IRS2: variants seen among roughly 807,000 people sequenced by gnomAD.
The protein encoded by IRS2 is insulin receptor substrate 2.
IRS2 carries 28 observed loss-of-function variants against 70.9 expected under a neutral mutation model. The ratio of observed to expected loss-of-function variants is 0.39; its 90% CI spans 0.29 to 0.54. IRS2 has a LOEUF of 0.54. IRS2 is among the 20% of genes least tolerant of loss of function. IRS2 has a pLI of 0.59. For missense variants in IRS2, 2,081 were observed against 2,024.1 expected, an observed-to-expected ratio of 1.03 and a Z score of -0.54; for synonymous variants, 1,217 against 981.9, an observed-to-expected ratio of 1.24 and a Z score of -4.48.
chr13:109,776,004 C>T (rs1209805664), intron 1 of IRS2, among the ~76,000 whole-genome samples: 1 of 152,004 alleles, frequency 6.6e-6, no homozygotes, highest in African/African-American at 2.4e-5. Flanking sequence ...AAAAAATTAG[C>T]AGGGCATGGT....
chr13:109,783,650 A>G lies in IRS2; in HGVS notation c.2404T>C (p.Cys802Arg). The G allele has an allele frequency of 6.4e-7, 1 of 1,554,258 alleles. No individual in the cohort carries two copies. Among genetic ancestry groups the G allele is most frequent in the African/African-American group, 1.4e-5 (1 of 73,564 alleles). ...GEPLRGVPGC[C>R]YSSLPRSYKA... ...TAGGAGCGGGGCAAGGAGCTGTAGCAGCAGCCGGGAACGCCCCTGAGCGGC... is the reference window on the plus strand; with the variant it reads ...TAGGAGCGGGGCAAGGAGCTGTAGCGGCAGCCGGGAACGCCCCTGAGCGGC... The change falls in exon 1 of 2, where the codon TGC (cysteine) becomes CGC (arginine). Residue 802 changes from cysteine to arginine, a missense_variant. Physicochemically the swap from Cys to Arg is radical, Grantham distance 180. Coordinates refer to ENST00000375856, the MANE Select transcript of IRS2 (RefSeq NM_003749.3).
chr13:109,758,302 G>A (rs1877150976), intron 1 of IRS2, among the ~76,000 whole-genome samples: 1 of 152,160 alleles, frequency 6.6e-6, no homozygotes, highest in Non-Finnish European at 1.5e-5. Context: ...CTGAGACTCT[G>A]CAAATCCATT....
At chr13:109,761,870 T>G (rs1231162194) in intron 1 of IRS2, among the ~76,000 whole-genome samples, 1 of 152,172 alleles carries the variant, frequency 6.6e-6, no homozygotes, top group African/African-American at 2.4e-5. Context: ...GAATATCAAG[T>G]TGCAACTTGA....
intron 1 of IRS2, among the ~76,000 whole-genome samples, chr13:109,777,313 A>C (rs75564449): frequency 0.015 from 2,240 of 152,282 alleles, 68 homozygotes; most frequent in African/African-American, 0.051. Context: ...CTGATACCAA[A>C]ATTAGCTCTT....
intron 1 of IRS2, among the ~76,000 whole-genome samples, chr13:109,757,184 G>C (rs1364067796): frequency 2.0e-5 from 3 of 152,144 alleles, no homozygotes; most frequent in African/African-American, 4.8e-5. Flanking sequence ...CAAATTGGAA[G>C]ATTTTGACCT....
rs1168752897 is a variant in IRS2 at position 109,784,653 on chromosome 13, C to A, written c.1401G>T (p.Pro467=). The change falls in exon 1 of 2, where the codon CCG becomes CCT. Residue 467 remains proline (P), a synonymous_variant. Transcript: ENST00000375856. The surrounding 1 kb of genome is among the most constrained non-coding windows in gnomAD (Gnocchi z 5.2). ...GSYPPPPGPH[P]PLPHPLHHGP... ...CGTGGTGCAGCGGATGCGGCAGAGG[C>A]GGGTGCGGGCCGGGCGGCGGCGGGT... is the stretch of plus-strand genomic sequence containing the variant. 8.0e-7 allele frequency: 1 copy of A among 1,254,082 alleles called. No homozygotes were observed. Among genetic ancestry groups the A allele is most frequent in the Non-Finnish European group, 1.0e-6 (1 of 1,002,294 alleles). 77.7% of individuals were successfully genotyped at this position (1,254,082 alleles called of 1,614,324 possible). A position where few individuals can be genotyped will look rare whatever the true frequency, so the allele number is the denominator to read the frequency against.
Position 109,756,103 on chromosome 13 carries a change from A to G in IRS2, c.*201T>C. The G allele has an allele frequency of 1.8e-6, 1 of 571,164 alleles. No individual in the cohort carries two copies. Among genetic ancestry groups the G allele is most frequent in the Non-Finnish European group, 3.2e-6 (1 of 317,262 alleles). The allele number at this position is 571,164 out of a possible 1,614,324, so 35.4% of individuals were successfully genotyped here. A position where few individuals can be genotyped will look rare whatever the true frequency, so the allele number is the denominator to read the frequency against. On this transcript the variant is annotated 3_prime_UTR_variant, in exon 2 of 2. Coordinates refer to ENST00000375856, the MANE Select transcript of IRS2 (RefSeq NM_003749.3). The stretch of plus-strand genomic sequence containing the variant: ...CAAACAGCACAATGATGAATGCCCC[A>G]TCCGGGAACAAGGGAAAGAGGCAGG...
rs1040946113 is a variant in IRS2, at chr13:109,782,649, G to T, written c.3405C>A (p.Val1135=). ...QPPDPHRGAK[V]IRADPQGGRR... ...GGCCCCCCTGCGGGTCTGCGCGGAT[G>T]ACCTTGGCGCCGCGGTGGGGGTCCG... Residue 1135 remains valine (V), a synonymous_variant, in exon 1 of 2, where the codon GTC becomes GTA. Coordinates refer to ENST00000375856, the MANE Select transcript of IRS2 (RefSeq NM_003749.3). The T allele has an allele frequency of 1.3e-6, 2 of 1,571,352 alleles. No individual in the cohort carries two copies. The highest frequency in any genetic ancestry group is 8.6e-7 in the Non-Finnish European group (1 of 1,160,454).
In IRS2 at chr13:109,784,077, G is replaced by T; in HGVS notation, c.1977C>A (p.Gly659=). Residue 659 remains glycine (G), a synonymous_variant, in exon 1 of 2, where the codon GGC becomes GGA. Coordinates refer to ENST00000375856, the MANE Select transcript of IRS2 (RefSeq NM_003749.3). This position sits in a 1 kb window ranked among gnomAD's most constrained non-coding sequence, Gnocchi z 5.2. ...CGCTCCCACTGCCCGCGAGGGCCGC[G>T]CCGGGCGTCATGGGCATGTAGCCGT... ...ADDGYMPMTP[G]AALAGSGSGS... 1.3e-6 allele frequency: 2 copies of T among 1,577,586 alleles called. No homozygotes were observed.
chr13:109,756,221 T>C lies in IRS2; in HGVS notation c.*83A>G. 1 of 1,213,218 alleles carries C rather than the reference T, an allele frequency of 8.2e-7. No homozygotes were observed. 75.2% of individuals were successfully genotyped at this position (1,213,218 alleles called of 1,614,324 possible). On this transcript the variant is annotated 3_prime_UTR_variant, in exon 2 of 2. Transcript: ENST00000375856. ...GATCCAAAAGAAAACTGCAAGCAGC[T>C]TCGGGCTGAAACAGTGCTGAGCGTC...
chr13:109,776,689 G>A (rs371235249), intron 1 of IRS2, among the ~76,000 whole-genome samples: 9 of 152,318 alleles, frequency 5.9e-5, no homozygotes, highest in African/African-American at 1.7e-4. Context: ...GTAAGTCTCT[G>A]TAGCTATCTT....
chr13:109,783,375 C>T lies in IRS2; in HGVS notation c.2679G>A (p.Leu893=), dbSNP rs1363092257. The T allele has an allele frequency of 2.6e-6, 4 of 1,528,082 alleles. No individual in the cohort carries two copies. The highest frequency in any genetic ancestry group is 2.6e-6 in the Non-Finnish European group (3 of 1,147,650). 94.7% of individuals were successfully genotyped at this position (1,528,082 alleles called of 1,614,324 possible). Residue 893 remains leucine (L), a synonymous_variant, in exon 1 of 2, where the codon CTG becomes CTA. Transcript: ENST00000375856. ...GCAGGCTGGGCAGCCCCTCCAGGGA[C>T]AGGCGCGTGGGCCTCACCGCCCGGC... ...QRGRAVRPTR[L]SLEGLPSLPS... is the part of the protein sequence containing the mutation.
At position 109,755,764 on chromosome 13, in the gene IRS2, C is replaced by T. The variant is rs1235518137; in HGVS notation, c.*540G>A. ...ACCATTTCAATAAGGCCGAGGACCG[C>T]GCTCCAGACACACAGCGCAGGGGCT... is the stretch of plus-strand genomic sequence containing the variant. On this transcript the variant is annotated 3_prime_UTR_variant, in exon 2 of 2. Transcript: ENST00000375856. The T allele has an allele frequency of 2.4e-5, 5 of 208,972 alleles. No homozygotes were observed. Among genetic ancestry groups the T allele is most frequent in the Non-Finnish European group, 4.9e-5 (5 of 102,300 alleles). The allele number at this position is 208,972 out of a possible 1,614,324, so 12.9% of individuals were successfully genotyped here.
At chr13:109,756,693 T>A (rs1457854333) in intron 1 of IRS2, among the ~76,000 whole-genome samples, 2 of 152,228 alleles carry the variant, frequency 1.3e-5, no homozygotes, top group African/African-American at 4.8e-5. Flanking sequence ...GCCTTGATGC[T>A]TCCTGTGTTG....
At chr13:109,772,256 A>G (rs1877468338) in intron 1 of IRS2, among the ~76,000 whole-genome samples, 1 of 152,140 alleles carries the variant, frequency 6.6e-6, no homozygotes, top group African/African-American at 2.4e-5. Context: ...CGGTGCAGGT[A>G]GGTGCACGCT....
chr13:109,770,323 C>G (rs1013111363), intron 1 of IRS2, among the ~76,000 whole-genome samples: 5 of 152,232 alleles, frequency 3.3e-5, no homozygotes, highest in African/African-American at 1.2e-4. Context: ...TTCTGGAATA[C>G]TACCATTTAC....
At chr13:109,769,277 C>T (rs777263265) in intron 1 of IRS2, among the ~76,000 whole-genome samples, 8 of 152,214 alleles carry the variant, frequency 5.3e-5, no homozygotes, top group South Asian at 2.1e-4. Context: ...AAAAGCTCTG[C>T]ATATTATTGT....
chr13:109,780,997 T>C (rs911875289), intron 1 of IRS2, among the ~76,000 whole-genome samples: 3 of 152,174 alleles, frequency 2.0e-5, no homozygotes, highest in Non-Finnish European at 4.4e-5. Flanking sequence ...CACCCTCCTA[T>C]CCAATTGTTC....
intron 1 of IRS2, among the ~76,000 whole-genome samples, chr13:109,756,941 A>G (rs777004023): frequency 6.6e-6 from 1 of 152,192 alleles, no homozygotes; most frequent in Non-Finnish European, 1.5e-5. Context: ...GTGTTGTTGC[A>G]TAACCCTCAA....
Sources: allele counts gnomAD v4.1 joint callset (sites outside exome capture counted in the v4.1 genomes callset), GRCh38; gene constraint gnomAD v4.1.1; non-coding constraint Gnocchi (gnomAD v3.1); transcripts MANE v1.5; gene names NCBI Gene and HGNC (gene_info 2026-07-23, HGNC 2026-07-21).